Variants in CACNA2D3 observed in about 807,000 individuals in gnomAD.
CACNA2D3 encodes the protein calcium voltage-gated channel auxiliary subunit alpha2delta 3.
CACNA2D3 carries 60 observed loss-of-function variants against 160.6 expected under a neutral mutation model. The ratio of observed to expected loss-of-function variants is 0.37; its 90% CI spans 0.30 to 0.46. CACNA2D3 has a LOEUF of 0.46. Ranked by LOEUF, CACNA2D3 falls within the 20% of genes least tolerant of loss-of-function variation. CACNA2D3 has a pLI of 1.00. For missense variants in CACNA2D3, 1,205 were observed against 1,365.0 expected (o/e 0.88, Z 1.85); for synonymous variants, 558 against 492.9 (o/e 1.13, Z -1.75).
Position 54,763,756 on chromosome 3 carries a change from T to C in CACNA2D3, c.1247-462T>C, listed in dbSNP as rs1418887693. On this transcript the variant is annotated intron_variant, in intron 12 of 37. Transcript: ENST00000474759. ...ATATGTGTATATATGTGCATATATA[T>C]ACACATATATATGTATATATGTACA... is the stretch of plus-strand genomic sequence containing the variant. 2.1e-4 allele frequency among the ~76,000 whole-genome samples: 12 copies of C among 56,234 alleles called. 2 individuals are homozygous for C. Among genetic ancestry groups the C allele is most frequent in the East Asian group, 2.4e-3 (2 of 820 alleles). 36.9% of individuals were successfully genotyped at this position (56,234 alleles called of 152,430 possible).
In CACNA2D3 at chr3:54,440,297, T is replaced by A. The variant is rs530657275; in HGVS notation, c.381+53523T>A. Among the ~76,000 whole-genome samples, 6 of 152,264 alleles carry A rather than the reference T, an allele frequency of 3.9e-5. No individual in the cohort carries two copies. In the East Asian group the frequency reaches 1.2e-3, roughly 29 times the overall value. ...GGGATATAAGCAGTAGTAGTTGTTT[T>A]TCTTTAAGGCTCAGATGAAACCCAC... On this transcript the variant is annotated intron_variant, in intron 4 of 37. Transcript: ENST00000474759.
At chr3:54,830,326 C>T (rs1253393462) in intron 14 of CACNA2D3, among the ~76,000 whole-genome samples, 8 of 152,098 alleles carry the variant, frequency 5.3e-5, no homozygotes, top group Non-Finnish European at 1.5e-5. Flanking sequence ...CTGTGTTTTT[C>T]CACCTCTTAG....
chr3:54,215,877 T>C (rs1366803009), intron 2 of CACNA2D3, among the ~76,000 whole-genome samples: 1 of 131,440 alleles, frequency 7.6e-6, no homozygotes, highest in Non-Finnish European at 1.8e-5. Flanking sequence ...CTGTTTTCTT[T>C]TCTTTTCTTT....
At chr3:54,612,478 G>A (rs1698764965) in intron 9 of CACNA2D3, among the ~76,000 whole-genome samples, 1 of 152,184 alleles carries the variant, frequency 6.6e-6, no homozygotes, top group African/African-American at 2.4e-5. Context: ...TGGAAGGCCT[G>A]AACCCCAAGT....
chr3:54,231,692 G>C (rs923010612), intron 2 of CACNA2D3, among the ~76,000 whole-genome samples: 3 of 152,138 alleles, frequency 2.0e-5, no homozygotes, highest in Admixed American at 1.3e-4. Flanking sequence ...CTACTATTAG[G>C]TAATTTTATA....
intron 11 of CACNA2D3, among the ~76,000 whole-genome samples, chr3:54,705,848 C>G (rs908554729): frequency 6.6e-6 from 1 of 152,004 alleles, no homozygotes; most frequent in African/African-American, 2.4e-5. Flanking sequence ...CTTGTTCATA[C>G]TAGAAAGCAG....
chr3:54,138,838 T>TA (rs1351134234), intron 2 of CACNA2D3, among the ~76,000 whole-genome samples: 6 of 152,358 alleles, frequency 3.9e-5, no homozygotes, highest in South Asian at 2.1e-4. Flanking sequence ...ATGTGTTTGT[T>TA]TTTTGTTTTC....
At chr3:54,297,097 C>T (rs891316107) in intron 2 of CACNA2D3, among the ~76,000 whole-genome samples, 1 of 152,196 alleles carries the variant, frequency 6.6e-6, no homozygotes, top group African/African-American at 2.4e-5. Context: ...TAAACATGCA[C>T]TGTTAGGAGT....
intron 27 of CACNA2D3, among the ~76,000 whole-genome samples, chr3:54,923,185 C>G (rs1700903553): frequency 6.6e-6 from 1 of 152,174 alleles, no homozygotes; most frequent in Admixed American, 6.5e-5. Flanking sequence ...AGCTTTCCAT[C>G]TCACTTAAAG....
At chr3:54,466,619 T>C (rs1700631950) in intron 4 of CACNA2D3, among the ~76,000 whole-genome samples, 1 of 152,170 alleles carries the variant, frequency 6.6e-6, no homozygotes, top group African/African-American at 2.4e-5. Context: ...TTACTTACTT[T>C]TTTAAAAAAG....
chr3:54,294,880 G>A (rs978332612), intron 2 of CACNA2D3, among the ~76,000 whole-genome samples: 2 of 152,182 alleles, frequency 1.3e-5, no homozygotes, highest in Admixed American at 1.3e-4. Context: ...AGAAGTCAGG[G>A]GTTTGAAATG....
At chr3:54,662,380 A>G (rs1699989680) in intron 11 of CACNA2D3, among the ~76,000 whole-genome samples, 1 of 152,180 alleles carries the variant, frequency 6.6e-6, no homozygotes, top group African/African-American at 2.4e-5. Context: ...GTCTAAAGTG[A>G]CTAATCTATT....
chr3:55,071,693 C>A (rs1438560329), intron 35 of CACNA2D3, among the ~76,000 whole-genome samples: 1 of 152,060 alleles, frequency 6.6e-6, no homozygotes, highest in East Asian at 1.9e-4. Context: ...GTTTTTTACT[C>A]ATGTTTCAGT....
intron 35 of CACNA2D3, among the ~76,000 whole-genome samples, chr3:55,031,571 T>C (rs1279387620): frequency 2.0e-5 from 3 of 152,196 alleles, no homozygotes; most frequent in Non-Finnish European, 2.9e-5. Flanking sequence ...AGCTTTTCTT[T>C]GGGACTTGAA....
intron 9 of CACNA2D3, among the ~76,000 whole-genome samples, chr3:54,598,971 AC>A (rs889572529): frequency 6.6e-6 from 1 of 152,148 alleles, no homozygotes; most frequent in Non-Finnish European, 1.5e-5. Context: ...CTGGTTTTAC[AC>A]TAAAATTGAT....
intron 2 of CACNA2D3, among the ~76,000 whole-genome samples, chr3:54,203,444 G>A (rs941401111): frequency 6.6e-6 from 1 of 152,202 alleles, no homozygotes; most frequent in Non-Finnish European, 1.5e-5. Flanking sequence ...TCATCTGTAG[G>A]CAGCTTGTGT....
At chr3:54,604,917 A>G (rs1410830962) in intron 9 of CACNA2D3, among the ~76,000 whole-genome samples, 1 of 152,172 alleles carries the variant, frequency 6.6e-6, no homozygotes, top group East Asian at 1.9e-4. Flanking sequence ...AAGTACCACA[A>G]AGTAGGTGGC....
rs1179970800 is a variant in CACNA2D3 at position 54,896,666 on chromosome 3, C to G, written c.2247-83C>G. The stretch of plus-strand genomic sequence containing the variant: ...TTCTAAAAGTGAACACTGGTTTTAC[C>G]TGATGAAGGCTGTCGGGGTGCTCCA... On this transcript the variant is annotated intron_variant, in intron 25 of 37. Coordinates refer to ENST00000474759, the MANE Select transcript of CACNA2D3 (RefSeq NM_018398.3). 1.9e-6 allele frequency: 3 copies of G among 1,554,908 alleles called. No individual in the cohort carries two copies. In the East Asian group the frequency reaches 6.7e-5, roughly 35 times the overall value.
At chr3:54,809,246 C>G (rs999440798) in intron 13 of CACNA2D3, among the ~76,000 whole-genome samples, 1 of 149,058 alleles carries the variant, frequency 6.7e-6, no homozygotes, top group Non-Finnish European at 1.5e-5. Context: ...CTCTCCCTCT[C>G]TCTTCCTTTC....
Sources: allele counts gnomAD v4.1 joint callset (sites outside exome capture counted in the v4.1 genomes callset), GRCh38; gene constraint gnomAD v4.1.1; transcripts MANE v1.5; gene names NCBI Gene and HGNC (gene_info 2026-07-23, HGNC 2026-07-21).